Variants in TTC27 observed in about 807,000 individuals in gnomAD.
The protein encoded by TTC27 is tetratricopeptide repeat protein 27.
A neutral mutation model predicts 115.9 loss-of-function variants in TTC27; 79 were observed. That is an observed-to-expected ratio of 0.68 (90% CI 0.57 to 0.82). TTC27 has a LOEUF of 0.82. Ranked by LOEUF, TTC27 falls within the 40% of genes least tolerant of loss-of-function variation. The probability of loss-of-function intolerance (pLI) is 0.00; values close to 1 mark genes in which losing one functional copy is unlikely to be tolerated. For missense variants in TTC27, 1,054 were observed against 993.1 expected, an observed-to-expected ratio of 1.06 and a Z score of -0.82; for synonymous variants, 401 against 356.0, an observed-to-expected ratio of 1.13 and a Z score of -1.42.
chr2:32,777,096 C>T (rs187561345), intron 13 of TTC27, among the ~76,000 whole-genome samples: 13 of 152,284 alleles, frequency 8.5e-5, no homozygotes, highest in Non-Finnish European at 7.3e-5. Context: ...ATTTGGTAAT[C>T]CAGATTCTGA....
intron 12 of TTC27, among the ~76,000 whole-genome samples, chr2:32,749,823 T>A (rs946207728): frequency 6.6e-6 from 1 of 152,310 alleles, no homozygotes; most frequent in East Asian, 1.9e-4. Flanking sequence ...TTACATGAGA[T>A]CATGCATTTA....
chr2:32,794,106 A>T (rs1276525953), intron 16 of TTC27, among the ~76,000 whole-genome samples: 2 of 152,204 alleles, frequency 1.3e-5, no homozygotes, highest in Non-Finnish European at 2.9e-5. Flanking sequence ...AATGAATTTT[A>T]TAATAGACAT....
chr2:32,796,915 G>A (rs940875237), intron 16 of TTC27, among the ~76,000 whole-genome samples: 1 of 151,854 alleles, frequency 6.6e-6, no homozygotes, highest in Non-Finnish European at 1.5e-5. Flanking sequence ...GCTCATGCCT[G>A]TAATCCCAGC....
chr2:32,668,839 G>GGA (rs1665899237), intron 7 of TTC27, among the ~76,000 whole-genome samples: 1 of 151,804 alleles, frequency 6.6e-6, no homozygotes, highest in Admixed American at 6.6e-5. Flanking sequence ...CAGCACTTTG[G>GGA]GAGGCCGAGG....
chr2:32,763,857 C>T (rs985372760), intron 13 of TTC27, among the ~76,000 whole-genome samples: 9 of 152,114 alleles, frequency 5.9e-5, no homozygotes, highest in African/African-American at 1.7e-4. Context: ...CTGAGGTTTG[C>T]GGGATAGTGA....
chr2:32,705,279 A>C (rs369451283), intron 10 of TTC27, among the ~76,000 whole-genome samples: 2 of 152,146 alleles, frequency 1.3e-5, no homozygotes, highest in African/African-American at 4.8e-5. Context: ...AGGCTTCATC[A>C]GTAGCTGAGG....
At chr2:32,656,781 G>T (rs1003746118) in intron 5 of TTC27, among the ~76,000 whole-genome samples, 2 of 151,960 alleles carry the variant, frequency 1.3e-5, no homozygotes, top group Non-Finnish European at 1.5e-5. Context: ...TTCTGATAAG[G>T]TTTGTTCAAT....
chr2:32,787,808 C>CTAAATAAATAAATAAA (rs34416911), intron 16 of TTC27, among the ~76,000 whole-genome samples: 2 of 151,006 alleles, frequency 1.3e-5, no homozygotes, highest in Non-Finnish European at 2.9e-5. Flanking sequence ...AACTCTGTCT[C>CTAAATAAATAAATAAA]TAAATAAATA....
At chr2:32,763,571 A>G (rs1669520116) in intron 13 of TTC27, among the ~76,000 whole-genome samples, 1 of 152,230 alleles carries the variant, frequency 6.6e-6, no homozygotes, top group Admixed American at 6.5e-5. Flanking sequence ...AGCGCATTTT[A>G]AAGTGAGAGC....
Position 32,758,497 on chromosome 2 carries a change from C to T in TTC27, c.1658C>T (p.Ser553Leu), listed in dbSNP as rs762752840. 34 of 1,614,022 alleles carry T rather than the reference C, an allele frequency of 2.1e-5. No individual in the cohort carries two copies. Among genetic ancestry groups the T allele is most frequent in the African/African-American group, 2.7e-5 (2 of 74,920 alleles). The change falls in exon 13 of 20, where the codon TCG becomes TTG. Residue 553 changes from serine (S) to leucine (L), a missense_variant. Transcript: ENST00000317907. ...GAGTGTGTAGAGTGCTTCGAACGCT[C>T]GGTTAAGATTAATCCCATGCAGGTT... ...FQECVECFER[S>L]VKINPMQLGV... is the part of the protein sequence containing the mutation.
chr2:32,776,050 T>C (rs1412776003), intron 13 of TTC27, among the ~76,000 whole-genome samples: 1 of 152,160 alleles, frequency 6.6e-6, no homozygotes, highest in Admixed American at 6.5e-5. Context: ...TTCAAAAAAG[T>C]GAACTTCTAA....
intron 9 of TTC27, among the ~76,000 whole-genome samples, chr2:32,699,375 C>T (rs186837102): frequency 1.3e-4 from 20 of 152,284 alleles, no homozygotes; most frequent in African/African-American, 2.9e-4. Context: ...AGCAGTAACC[C>T]CCTACTGGGG....
At chr2:32,699,148 A>C (rs1295888133) in intron 9 of TTC27, among the ~76,000 whole-genome samples, 1 of 152,192 alleles carries the variant, frequency 6.6e-6, no homozygotes, top group Non-Finnish European at 1.5e-5. Context: ...ACAGTATGTA[A>C]GGCACTAGGA....
At chr2:32,816,329 A>C (rs1671500934) in intron 18 of TTC27, among the ~76,000 whole-genome samples, 1 of 152,084 alleles carries the variant, frequency 6.6e-6, no homozygotes, top group Non-Finnish European at 1.5e-5. Context: ...AAAAAAAAAA[A>C]AATTGATTTT....
intron 3 of TTC27, among the ~76,000 whole-genome samples, chr2:32,635,647 G>A (rs1001203607): frequency 3.3e-5 from 5 of 152,224 alleles, no homozygotes; most frequent in South Asian, 2.1e-4. Flanking sequence ...TCACGCCACT[G>A]CACTCCAGCC....
chr2:32,692,325 A>G (rs913960175), intron 9 of TTC27, among the ~76,000 whole-genome samples: 3 of 152,106 alleles, frequency 2.0e-5, no homozygotes, highest in Admixed American at 6.5e-5. Flanking sequence ...TAAAAATAAG[A>G]CAGCATTTAC....
intron 10 of TTC27, among the ~76,000 whole-genome samples, chr2:32,731,499 G>T (rs191092449): frequency 6.6e-6 from 1 of 151,972 alleles, no homozygotes; most frequent in Admixed American, 6.6e-5. Flanking sequence ...CTTCAGCCTC[G>T]TAAATAGCTG....
intron 3 of TTC27, among the ~76,000 whole-genome samples, chr2:32,639,729 C>T (rs182971391): frequency 5.2e-4 from 79 of 152,204 alleles, no homozygotes; most frequent in Non-Finnish European, 2.9e-5. Flanking sequence ...ACATGCCAGG[C>T]GCAGAAGCTT....
chr2:32,761,369 G>A (rs537045075), intron 13 of TTC27, among the ~76,000 whole-genome samples: 25 of 152,106 alleles, frequency 1.6e-4, no homozygotes, highest in Non-Finnish European at 5.9e-5. Flanking sequence ...GATTAATTAT[G>A]TTACCTCCTT....
Sources: gnomAD v4.1 joint callset for allele counts (sites outside exome capture counted in the v4.1 genomes callset) on GRCh38, gnomAD v4.1.1 for gene constraint, MANE v1.5 for transcripts, NCBI Gene and HGNC (gene_info 2026-07-23, HGNC 2026-07-21) for gene names.